LRRC7: variants seen among roughly 807,000 people sequenced by gnomAD.
The protein encoded by LRRC7 is leucine rich repeat containing 7, also known as leucine-rich repeat-containing protein 7.
In LRRC7, 23 loss-of-function variants were observed where a neutral mutation model predicts 175.7. The observed-to-expected ratio is 0.13, with a 90% CI of 0.09 to 0.19. The LOEUF is 0.19. Among genes scored for constraint, LRRC7 ranks in the 10% least tolerant of loss-of-function variants. LRRC7 has a pLI of 1.00. For synonymous variants in LRRC7, 685 were observed against 680.9 expected, an observed-to-expected ratio of 1.01 and a Z score of -0.09; for missense variants, 1,354 against 1,904.7, an observed-to-expected ratio of 0.71 and a Z score of 5.38.
chr1:69,605,914 G>A (rs543501723), intron 1 of LRRC7, among the ~76,000 whole-genome samples: 5 of 152,182 alleles, frequency 3.3e-5, no homozygotes, highest in East Asian at 3.9e-4. Flanking sequence ...TGTGCCAGAC[G>A]TAAGGAATGA....
chr1:70,076,120 A>C lies in LRRC7; in HGVS notation c.4274A>C (p.Gln1425Pro). Residue 1425 changes from glutamine (Q) to proline (P), a missense_variant, in exon 24 of 27, where the codon CAG becomes CCG. By Grantham distance (76) the Gln-to-Pro change is moderately conservative (BLOSUM62 -1). Transcript: ENST00000651989. Reference protein sequence around the residue: ...IQTLMGSQSLQHRSREQQPYE... With the variant: ...IQTLMGSQSLPHRSREQQPYE... ...ACGTTGATGGGGTCCCAAAGCCTTC[A>C]GCATCGCAGCCGGGAGCAGCAGCCG... 1 of 1,614,026 alleles carries C rather than the reference A, an allele frequency of 6.2e-7. No individual in the cohort carries two copies.
chr1:70,005,016 T>G (rs181332792), intron 11 of LRRC7, among the ~76,000 whole-genome samples: 1 of 152,116 alleles, frequency 6.6e-6, no homozygotes, highest in Non-Finnish European at 1.5e-5. Context: ...AATAGATTGT[T>G]CAAGATTCGT....
chr1:69,829,436 A>T (rs768678940), intron 5 of LRRC7, among the ~76,000 whole-genome samples: 3 of 151,910 alleles, frequency 2.0e-5, no homozygotes, highest in Non-Finnish European at 3.0e-5. Context: ...GATATCCATC[A>T]CTTTAAATAT....
intron 7 of LRRC7, among the ~76,000 whole-genome samples, chr1:69,859,832 C>T (rs12753235): frequency 0.37 from 55,582 of 151,676 alleles, 12,493 homozygotes; most frequent in East Asian, 0.55. Flanking sequence ...AACAAGAAAA[C>T]TTTCCTAGAG....
intron 2 of LRRC7, among the ~76,000 whole-genome samples, chr1:69,747,211 A>G (rs74086685): frequency 0.014 from 2,092 of 152,262 alleles, 49 homozygotes; most frequent in African/African-American, 0.048. Context: ...CATTCAACCT[A>G]TAACAGGGAT....
At chr1:69,719,501 C>T (rs781216311) in intron 2 of LRRC7, among the ~76,000 whole-genome samples, 7 of 151,664 alleles carry the variant, frequency 4.6e-5, no homozygotes, top group Non-Finnish European at 8.9e-5. Context: ...ATAACACTCT[C>T]ATGTGCAATT....
rs912197188 is a variant in LRRC7 at position 70,143,961 on chromosome 1, T to C, written c.*22074T>C. 1.3e-5 allele frequency: 2 copies of C among 152,212 alleles called. No homozygotes were observed. The highest frequency in any genetic ancestry group is 4.8e-5 in the African/African-American group (2 of 41,458). The allele number at this position is 152,212 out of a possible 1,614,324, so 9.4% of individuals were successfully genotyped here. A position where few individuals can be genotyped will look rare whatever the true frequency, so the allele number is the denominator to read the frequency against. ...AGACATATTTACTACTTTATTAACA[T>C]AGATCGTGAATGTACTTACTGGTTT... is the stretch of plus-strand genomic sequence containing the variant. On this transcript the variant is annotated 3_prime_UTR_variant, in exon 27 of 27. Coordinates refer to ENST00000651989, the MANE Select transcript of LRRC7 (RefSeq NM_001370785.2).
intron 1 of LRRC7, among the ~76,000 whole-genome samples, chr1:69,624,731 A>G (rs1475077158): frequency 6.6e-6 from 1 of 152,084 alleles, no homozygotes; most frequent in Non-Finnish European, 1.5e-5. Flanking sequence ...ATGACTATCC[A>G]ATTCACCTAG....
Position 69,772,354 on chromosome 1 carries a change from A to G in LRRC7, c.303+11961A>G, listed in dbSNP as rs78093773. On this transcript the variant is annotated intron_variant, in intron 3 of 26. Coordinates refer to ENST00000651989, the MANE Select transcript of LRRC7 (RefSeq NM_001370785.2). Reference sequence around the variant, plus strand: ...GTGGCATATTTACAGGACAGGAAGAAGGAGGGTGTGTAAAGAATGAAGGGA... The same window carrying G: ...GTGGCATATTTACAGGACAGGAAGAGGGAGGGTGTGTAAAGAATGAAGGGA... Among the ~76,000 whole-genome samples, 895 of 152,188 alleles carry G rather than the reference A, an allele frequency of 5.9e-3. 6 individuals are homozygous for G. The highest frequency in any genetic ancestry group is 9.4e-3 in the Non-Finnish European group (636 of 68,000).
chr1:70,064,141 G>A (rs1234188020), intron 23 of LRRC7, among the ~76,000 whole-genome samples: 1 of 151,980 alleles, frequency 6.6e-6, no homozygotes, highest in Non-Finnish European at 1.5e-5. Flanking sequence ...CAGGACAGGA[G>A]AAGGAACATC....
chr1:69,624,729 C>T (rs1191479411), intron 1 of LRRC7, among the ~76,000 whole-genome samples: 2 of 152,052 alleles, frequency 1.3e-5, no homozygotes, highest in African/African-American at 4.8e-5. Flanking sequence ...ATATGACTAT[C>T]CAATTCACCT....
rs368135729 is a variant in LRRC7 at position 69,739,925 on chromosome 1, T to A, written c.101-20266T>A. Among the ~76,000 whole-genome samples, 8 of 152,158 alleles carry A rather than the reference T, an allele frequency of 5.3e-5. No homozygotes were observed. The South Asian group carries it at 1.4e-3, about 28-fold the overall frequency. The stretch of plus-strand genomic sequence containing the variant: ...GCACTTAAGTGTACAGTAAAAAAGG[T>A]CTTCTGTTAGTTAGAACCTGGTTTT... On this transcript the variant is annotated intron_variant, in intron 2 of 26. Transcript: ENST00000651989.
At chr1:69,682,206 C>A (rs867205461) in intron 2 of LRRC7, among the ~76,000 whole-genome samples, 1 of 152,110 alleles carries the variant, frequency 6.6e-6, no homozygotes, top group South Asian at 2.1e-4. Flanking sequence ...GGGAGAATTA[C>A]CTCTCTTTTA....
intron 2 of LRRC7, among the ~76,000 whole-genome samples, chr1:69,684,746 A>AG (rs201391179): frequency 3.3e-5 from 5 of 152,180 alleles, no homozygotes; most frequent in Admixed American, 3.3e-4. Context: ...GAAGAAAAGA[A>AG]GGAAAAAAAA....
chr1:69,888,569 C>T (rs1173051210), intron 7 of LRRC7, among the ~76,000 whole-genome samples: 2 of 152,154 alleles, frequency 1.3e-5, no homozygotes, highest in Non-Finnish European at 2.9e-5. Flanking sequence ...GCAGAAATCA[C>T]CCGTCTTCTG....
At chr1:69,918,864 C>G (rs1646796857) in intron 7 of LRRC7, among the ~76,000 whole-genome samples, 1 of 152,042 alleles carries the variant, frequency 6.6e-6, no homozygotes, top group Non-Finnish European at 1.5e-5. Flanking sequence ...TCATAAAACC[C>G]TATGGGACAG....
chr1:70,005,127 A>C (rs1457886845), intron 11 of LRRC7, among the ~76,000 whole-genome samples: 2 of 151,962 alleles, frequency 1.3e-5, no homozygotes, highest in African/African-American at 2.4e-5. Flanking sequence ...TTTACTCTTC[A>C]TTGAAACTCT....
chr1:69,760,960 T>TACACAC (rs59808973), intron 3 of LRRC7, among the ~76,000 whole-genome samples: 2 of 149,428 alleles, frequency 1.3e-5, no homozygotes, highest in South Asian at 2.1e-4. Flanking sequence ...TTTGTGCACA[T>TACACAC]ACACACACAC....
At chr1:70,052,265 T>A (rs1344540723) in intron 22 of LRRC7, among the ~76,000 whole-genome samples, 2 of 152,204 alleles carry the variant, frequency 1.3e-5, no homozygotes, top group East Asian at 3.9e-4. Context: ...AAGGTTAGAA[T>A]ATGAAATTCA....
Sources: allele counts gnomAD v4.1 joint callset (sites outside exome capture counted in the v4.1 genomes callset), GRCh38; gene constraint gnomAD v4.1.1; transcripts MANE v1.5; gene names NCBI Gene and HGNC (gene_info 2026-07-23, HGNC 2026-07-21).